Variants in TMC1 observed in about 807,000 individuals in gnomAD.
The protein encoded by TMC1 is transmembrane channel like 1.
TMC1 carries 84 observed loss-of-function variants against 105.8 expected under a neutral mutation model. That is an observed-to-expected ratio of 0.79 (90% CI 0.67 to 0.95). The LOEUF (loss-of-function observed/expected upper bound fraction) is 0.95. Ranked by LOEUF, TMC1 falls within the 40% of genes least tolerant of loss-of-function variation. The probability of loss-of-function intolerance (pLI) is 0.00; values close to 1 mark genes in which losing one functional copy is unlikely to be tolerated. For synonymous variants in TMC1, 315 were observed against 311.5 expected (o/e 1.01, Z -0.12); for missense variants, 817 against 914.1 (o/e 0.89, Z 1.37).
At chr9:72,765,790 G>T (rs1468355288) in intron 12 of TMC1, among the ~76,000 whole-genome samples, 1 of 152,188 alleles carries the variant, frequency 6.6e-6, no homozygotes, top group Admixed American at 6.5e-5. Flanking sequence ...CTATGTTCAT[G>T]CTTCCTATGA....
At chr9:72,804,273 T>C (rs1470857801) in intron 17 of TMC1, among the ~76,000 whole-genome samples, 7 of 152,084 alleles carry the variant, frequency 4.6e-5, no homozygotes, top group Non-Finnish European at 8.8e-5. Flanking sequence ...AAATAGCTAA[T>C]GATTGCAGGA....
chr9:72,715,916 T>G (rs1203029335), intron 8 of TMC1, among the ~76,000 whole-genome samples: 1 of 152,206 alleles, frequency 6.6e-6, no homozygotes, highest in Admixed American at 6.5e-5. Context: ...CTTTGGTCTT[T>G]GAAGTTGGTG....
chr9:72,795,351 G>A (rs1208465468), intron 17 of TMC1, among the ~76,000 whole-genome samples: 1 of 152,098 alleles, frequency 6.6e-6, no homozygotes, highest in East Asian at 1.9e-4. Context: ...ACAATTGTCA[G>A]GTTTTCTCAG....
intron 1 of TMC1, among the ~76,000 whole-genome samples, chr9:72,566,416 C>G (rs1263787619): frequency 7.0e-6 from 1 of 143,302 alleles, no homozygotes; most frequent in African/African-American, 2.6e-5. Context: ...TAGAAGCCCT[C>G]AAGAAGTCAC....
At chr9:72,659,243 T>C (rs1825932384) in intron 5 of TMC1, among the ~76,000 whole-genome samples, 1 of 152,152 alleles carries the variant, frequency 6.6e-6, no homozygotes, top group South Asian at 2.1e-4. Flanking sequence ...ATTCTCAAAA[T>C]GAGGTGGTTC....
intron 12 of TMC1, among the ~76,000 whole-genome samples, chr9:72,768,933 C>T (rs1188918972): frequency 6.6e-6 from 1 of 152,094 alleles, no homozygotes; most frequent in Admixed American, 6.5e-5. Context: ...TCCAAGAGGC[C>T]CTGTCACCAC....
Position 72,700,501 on chromosome 9 carries a change from C to CT in TMC1, c.237-11dup. 2 of 1,570,372 alleles carry CT rather than the reference C, an allele frequency of 1.3e-6. No individual in the cohort carries two copies. Among genetic ancestry groups the CT allele is most frequent in the African/African-American group, 1.4e-5 (1 of 73,360 alleles). ...AAAGCTTAACTTTATTAAGGTGTTT[C>CT]TTTTTTACTTTTAAAGAGAAGAAGA... On this transcript the variant is annotated splice_polypyrimidine_tract_variant and intron_variant, in intron 7 of 23. Transcript: ENST00000297784.
intron 8 of TMC1, among the ~76,000 whole-genome samples, chr9:72,734,684 T>C (rs1467098201): frequency 1.3e-5 from 2 of 152,214 alleles, no homozygotes; most frequent in Admixed American, 1.3e-4. Context: ...GCAGTGTTTG[T>C]TATGAAAAGA....
At chr9:72,762,837 A>G (rs1333929686) in intron 12 of TMC1, among the ~76,000 whole-genome samples, 2 of 152,072 alleles carry the variant, frequency 1.3e-5, no homozygotes, top group East Asian at 1.9e-4. Flanking sequence ...CACTTCCTCA[A>G]TGTCCAGTGT....
chr9:72,652,927 A>T (rs1050296429), intron 5 of TMC1, among the ~76,000 whole-genome samples: 6 of 152,286 alleles, frequency 3.9e-5, no homozygotes, highest in Middle Eastern at 3.4e-3. Context: ...GCCATATAAA[A>T]TTTTTTTCAA....
intron 2 of TMC1, among the ~76,000 whole-genome samples, chr9:72,585,615 TAAAG>T (rs1564427298): frequency 6.6e-6 from 1 of 152,078 alleles, no homozygotes; most frequent in Admixed American, 6.5e-5. Flanking sequence ...GTTTGCAAAA[TAAAG>T]AGTTTCTCTG....
chr9:72,600,981 G>A (rs532085187), intron 2 of TMC1, among the ~76,000 whole-genome samples: 20 of 152,298 alleles, frequency 1.3e-4, no homozygotes, highest in Admixed American at 1.2e-3. Context: ...AATAATAACA[G>A]CTAATTTTTG....
intron 23 of TMC1, among the ~76,000 whole-genome samples, chr9:72,833,385 G>A (rs550011758): frequency 1.3e-5 from 2 of 152,080 alleles, no homozygotes; most frequent in East Asian, 3.9e-4. Flanking sequence ...GACATATTGG[G>A]TTATCTGTCC....
chr9:72,814,068 G>A (rs958367333), intron 18 of TMC1, among the ~76,000 whole-genome samples: 2 of 152,158 alleles, frequency 1.3e-5, no homozygotes, highest in Admixed American at 6.5e-5. Flanking sequence ...AGCTCTATGT[G>A]CTTGTGAGAG....
intron 21 of TMC1, among the ~76,000 whole-genome samples, chr9:72,827,921 T>C (rs1460265356): frequency 2.6e-5 from 4 of 152,180 alleles, no homozygotes; most frequent in African/African-American, 9.7e-5. Flanking sequence ...TGAGCAGGGA[T>C]TGTGACCCAG....
chr9:72,794,269 G>A (rs1434209632), intron 17 of TMC1, among the ~76,000 whole-genome samples: 2 of 152,166 alleles, frequency 1.3e-5, no homozygotes, highest in African/African-American at 4.8e-5. Context: ...TGCCAAGTTG[G>A]AGAAGAAACA....
chr9:72,772,600 A>G, intron 13 of TMC1, 45 bp downstream of exon 13: 1 of 1,611,774 alleles, frequency 6.2e-7, no homozygotes, highest in Non-Finnish European at 8.5e-7. Flanking sequence ...GATTTCTGGA[A>G]TCAAATGGAG....
At chr9:72,595,689 T>C (rs1297064245) in intron 2 of TMC1, among the ~76,000 whole-genome samples, 5 of 150,780 alleles carry the variant, frequency 3.3e-5, no homozygotes, top group Admixed American at 2.0e-4. Flanking sequence ...TTTTTTTTTT[T>C]TTTTTTAGAC....
At chr9:72,750,689 C>G (rs1042201832) in intron 10 of TMC1, among the ~76,000 whole-genome samples, 1 of 152,080 alleles carries the variant, frequency 6.6e-6, no homozygotes, top group Non-Finnish European at 1.5e-5. Context: ...ATGCTCATCA[C>G]CCCTTCCTCT....
Sources: allele counts gnomAD v4.1 joint callset (sites outside exome capture counted in the v4.1 genomes callset), GRCh38; gene constraint gnomAD v4.1.1; transcripts MANE v1.5; gene names NCBI Gene and HGNC (gene_info 2026-07-23, HGNC 2026-07-21).